ZBBX: variants seen among roughly 807,000 people sequenced by gnomAD.
The protein encoded by ZBBX is zinc finger B-box domain-containing protein 1.
Under a neutral mutation model 108.5 loss-of-function variants are expected in ZBBX, and 101 were observed. That is an observed-to-expected ratio of 0.93 (90% CI 0.79 to 1.10). ZBBX has a LOEUF of 1.10. Among genes scored for constraint, ZBBX ranks in the 50% least tolerant of loss-of-function variants. The probability of loss-of-function intolerance (pLI) is 0.00; values close to 1 mark genes in which losing one functional copy is unlikely to be tolerated. For synonymous variants in ZBBX, 356 were observed against 323.4 expected, an observed-to-expected ratio of 1.10 and a Z score of -1.08; for missense variants, 1,009 against 941.4, an observed-to-expected ratio of 1.07 and a Z score of -0.94.
chr3:167,207,782 C>T, the ZBBX span, among the ~76,000 whole-genome samples: 1 of 152,098 alleles, frequency 6.6e-6, no homozygotes, highest in East Asian at 1.9e-4. Context: ...GAGGTTTTCA[C>T]CAGTCACCCT....
intron 20 of ZBBX, among the ~76,000 whole-genome samples, chr3:167,269,512 G>A (rs535954116): frequency 3.3e-5 from 5 of 152,194 alleles, no homozygotes; most frequent in African/African-American, 1.2e-4. Flanking sequence ...GTATTCACTC[G>A]TTGTGAAGGA....
At chr3:167,320,307 C>T (rs1299529537) in intron 12 of ZBBX, among the ~76,000 whole-genome samples, 2 of 148,572 alleles carry the variant, frequency 1.3e-5, no homozygotes, top group Non-Finnish European at 3.0e-5. Flanking sequence ...CCGACAGAGT[C>T]CACAATGGCC....
intron 9 of ZBBX, among the ~76,000 whole-genome samples, chr3:167,337,608 A>T (rs1397448975): frequency 2.0e-5 from 3 of 152,182 alleles, no homozygotes; most frequent in African/African-American, 7.2e-5. Flanking sequence ...TCTGGTTTAT[A>T]GCAAAATAGT....
chr3:167,308,849 G>A (rs1031306013), intron 16 of ZBBX, among the ~76,000 whole-genome samples: 34 of 152,176 alleles, frequency 2.2e-4, no homozygotes, highest in African/African-American at 7.9e-4. Flanking sequence ...ACTAATGGGT[G>A]CAAGGCTTAA....
chr3:167,340,633 G>A (rs553722441), intron 9 of ZBBX, among the ~76,000 whole-genome samples: 7 of 151,828 alleles, frequency 4.6e-5, no homozygotes, highest in Non-Finnish European at 7.4e-5. Flanking sequence ...CTGAATTCTC[G>A]CTGAAAATTA....
At chr3:167,364,459 A>G (rs1470623956) in intron 6 of ZBBX, among the ~76,000 whole-genome samples, 1 of 151,914 alleles carries the variant, frequency 6.6e-6, no homozygotes, top group East Asian at 1.9e-4. Flanking sequence ...TTTCTTCTCA[A>G]TCTCTCTTCA....
downstream of ZBBX, among the ~76,000 whole-genome samples, chr3:167,236,875 AG>A (rs1474987030): frequency 6.6e-6 from 1 of 151,976 alleles, no homozygotes; most frequent in Non-Finnish European, 1.5e-5. Flanking sequence ...AGCAAAAGGC[AG>A]GATGCAACGA....
intron 6 of ZBBX, among the ~76,000 whole-genome samples, chr3:167,361,619 G>A (rs1242888426): frequency 6.6e-6 from 1 of 152,014 alleles, no homozygotes; most frequent in African/African-American, 2.4e-5. Flanking sequence ...TGCTTCAAAG[G>A]GGCAGTTATT....
intron 20 of ZBBX, among the ~76,000 whole-genome samples, chr3:167,268,615 G>A (rs907715729): frequency 1.3e-5 from 2 of 152,156 alleles, no homozygotes; most frequent in East Asian, 3.9e-4. Flanking sequence ...AGGACCAAAC[G>A]AGACAATATT....
intron 8 of ZBBX, 33 bp from the exon 9 acceptor site, chr3:167,350,548 CTT>C (rs1182860846): frequency 7.1e-7 from 1 of 1,418,134 alleles, no homozygotes; most frequent in African/African-American, 1.4e-5. Flanking sequence ...ATTATACAAT[CTT>C]ATAAAATAGT....
intron 16 of ZBBX, among the ~76,000 whole-genome samples, chr3:167,309,431 G>GCCTCTGCAACAGACTTCTA (rs1734210767): frequency 6.6e-6 from 1 of 152,194 alleles, no homozygotes; most frequent in South Asian, 2.1e-4. Context: ...TGAGTGCTCT[G>GCCTCTGCAACAGACTTCTA]CCTCTGCAAC....
intron 1 of ZBBX, among the ~76,000 whole-genome samples, chr3:167,400,030 A>T (rs1001947661): frequency 2.0e-5 from 3 of 152,274 alleles, no homozygotes; most frequent in Non-Finnish European, 4.4e-5. Flanking sequence ...GCTGCAGAGG[A>T]AATGATTTCA....
intron 2 of ZBBX, among the ~76,000 whole-genome samples, chr3:167,376,611 CA>C (rs532666618): frequency 6.6e-6 from 1 of 152,042 alleles, no homozygotes; most frequent in South Asian, 2.1e-4. Flanking sequence ...TTTACTGATA[CA>C]AAAAATGAAC....
the ZBBX span, among the ~76,000 whole-genome samples, chr3:167,220,593 A>G: frequency 1.3e-5 from 2 of 152,000 alleles, no homozygotes; most frequent in Non-Finnish European, 2.9e-5. Context: ...TCTCAACACA[A>G]TAAAAGCCAT....
intron 11 of ZBBX, among the ~76,000 whole-genome samples, chr3:167,323,650 G>T (rs1319784599): frequency 6.6e-6 from 1 of 152,040 alleles, no homozygotes; most frequent in Admixed American, 6.6e-5. Flanking sequence ...TTCTTTCATG[G>T]TTCACTGGCT....
the ZBBX span, among the ~76,000 whole-genome samples, chr3:167,217,656 T>C: frequency 1.3e-5 from 2 of 152,092 alleles, no homozygotes; most frequent in African/African-American, 4.8e-5. Flanking sequence ...TAAACACACA[T>C]GCACGTGAAT....
chr3:167,215,500 CA>C, the ZBBX span, among the ~76,000 whole-genome samples: 1 of 151,786 alleles, frequency 6.6e-6, no homozygotes, highest in Non-Finnish European at 1.5e-5. Flanking sequence ...GCCTAACAAC[CA>C]AAAAAATCCC....
In ZBBX at chr3:167,372,172, G is replaced by C. The variant is rs1746262318; in HGVS notation, c.68+662C>G. ...GTTGCAGTGAGCCGAGACCGTGCCA[G>C]TGCACTCCAGCCTGGGTGAGGGAGC... On this transcript the variant is annotated intron_variant, in intron 4 of 21. Transcript: ENST00000675490. 1.3e-5 allele frequency among the ~76,000 whole-genome samples: 2 copies of C among 151,976 alleles called. 1 individual carries two copies. The highest frequency in any genetic ancestry group is 4.2e-4 in the South Asian group (2 of 4,802).
Position 167,246,546 on chromosome 3 carries a change from C to T in ZBBX, c.2255-3903G>A, listed in dbSNP as rs555773174. Among the ~76,000 whole-genome samples, 6 of 152,224 alleles carry T rather than the reference C, an allele frequency of 3.9e-5. No individual in the cohort carries two copies. The South Asian group carries it at 1.2e-3, about 32-fold the overall frequency. The stretch of plus-strand genomic sequence containing the variant: ...GTGCTTTCATCTCTTTTACTTGGGT[C>T]AGTTAATTATCTGTGAAGTCATACA... On this transcript the variant is annotated intron_variant, in intron 20 of 21. Coordinates refer to ENST00000675490, the MANE Select transcript of ZBBX (RefSeq NM_001199201.2).
Sources: allele counts gnomAD v4.1 joint callset (sites outside exome capture counted in the v4.1 genomes callset), GRCh38; gene constraint gnomAD v4.1.1; transcripts MANE v1.5; gene names NCBI Gene and HGNC (gene_info 2026-07-23, HGNC 2026-07-21).